BMP8A: variants seen among roughly 807,000 people sequenced by gnomAD.
BMP8A encodes BMP-8A.
A neutral mutation model predicts 36.8 loss-of-function variants in BMP8A; 14 were observed. The ratio of observed to expected loss-of-function variants is 0.38; its 90% confidence interval spans 0.25 to 0.60. The LOEUF is 0.60. Ranked by LOEUF, BMP8A falls within the 20% of genes least tolerant of loss-of-function variation. The pLI, the probability that BMP8A is intolerant of heterozygous loss-of-function variation, is 0.63. For missense variants in BMP8A, 267 were observed against 551.1 expected (o/e 0.48, Z 5.16); for synonymous variants, 120 against 237.7 (o/e 0.50, Z 4.55).
Position 39,528,167 on chromosome 1 carries a change from T to A in BMP8A, c.*2369T>A, listed in dbSNP as rs1264452469. ...GTGTGCACAGCAGGCCTGAGGATCA[T>A]GATGAGACTCCCTTTTTATGCAGCA... On this transcript the variant is annotated 3_prime_UTR_variant, in exon 7 of 7. Coordinates refer to ENST00000331593, the MANE Select transcript of BMP8A (RefSeq NM_181809.4). 6.6e-6 allele frequency among the ~76,000 whole-genome samples: 1 copy of A among 152,206 alleles called. No homozygotes were observed. The highest frequency in any genetic ancestry group is 1.5e-5 in the Non-Finnish European group (1 of 68,044).
At chr1:39,503,579 A>G (rs936018891) in intron 1 of BMP8A, among the ~76,000 whole-genome samples, 1 of 133,144 alleles carries the variant, frequency 7.5e-6, no homozygotes, top group African/African-American at 2.9e-5. Context: ...CAGTCGTGCA[A>G]TCTTGGGTCA....
chr1:39,516,491 C>G, intron 3 of BMP8A: 3 of 921,012 alleles, frequency 3.3e-6, no homozygotes, highest in African/African-American at 2.0e-5. Flanking sequence ...GGTACCCTGA[C>G]GGGACCTGGA....
At chr1:39,517,951 T>A (rs1222963279) in intron 3 of BMP8A, among the ~76,000 whole-genome samples, 1 of 151,938 alleles carries the variant, frequency 6.6e-6, no homozygotes, top group Non-Finnish European at 1.5e-5. Flanking sequence ...TTTGAATTGT[T>A]CCTGCATCAT....
At chr1:39,522,919 C>T (rs1363988845) in intron 5 of BMP8A, 88 bp from the exon 6 acceptor site, 24 of 1,263,470 alleles carry the variant, frequency 1.9e-5, no homozygotes, top group African/African-American at 6.0e-5. Flanking sequence ...TTGGGGGAGA[C>T]GGCCCTGCAG....
chr1:39,493,511 C>G (rs1557683421), intron 1 of BMP8A, among the ~76,000 whole-genome samples: 1 of 152,334 alleles, frequency 6.6e-6, no homozygotes. Context: ...GGAGTCTGGG[C>G]TGAGGAACAC....
chr1:39,505,361 A>G (rs1374912186), intron 1 of BMP8A, among the ~76,000 whole-genome samples: 7 of 152,218 alleles, frequency 4.6e-5, no homozygotes, highest in Admixed American at 3.9e-4. Context: ...TACTGCCTGC[A>G]AACACATTTT....
At chr1:39,505,890 G>T (rs1011140346) in intron 1 of BMP8A, among the ~76,000 whole-genome samples, 2 of 151,816 alleles carry the variant, frequency 1.3e-5, no homozygotes, top group East Asian at 3.9e-4. Flanking sequence ...AGAGGCTGAA[G>T]TGGGAGGATC....
intron 1 of BMP8A, among the ~76,000 whole-genome samples, chr1:39,493,696 C>G (rs1301233936): frequency 6.6e-6 from 1 of 152,228 alleles, no homozygotes; most frequent in Non-Finnish European, 1.5e-5. Flanking sequence ...GGACAGGACT[C>G]TAGCCGGTGG....
chr1:39,493,595 G>A (rs1313461955), intron 1 of BMP8A, among the ~76,000 whole-genome samples: 2 of 152,230 alleles, frequency 1.3e-5, no homozygotes, highest in East Asian at 3.8e-4. Flanking sequence ...AAGAGGGCAT[G>A]GCCAAGCCTC....
Position 39,492,657 on chromosome 1 carries a change from G to C in BMP8A, c.334+332G>C, listed in dbSNP as rs192312892. On this transcript the variant is annotated intron_variant, in intron 1 of 6. Transcript: ENST00000331593. Reference sequence around the variant, plus strand: ...ACAGCCTGGTCCTGGGGAGACAGGTGAGTAAACAGAGGCCGGGATGCTGTC... The same window carrying C: ...ACAGCCTGGTCCTGGGGAGACAGGTCAGTAAACAGAGGCCGGGATGCTGTC... Among the ~76,000 whole-genome samples the C allele has an allele frequency of 1.4e-3, 216 of 152,368 alleles. 1 individual carries two copies. The highest frequency in any genetic ancestry group is 4.6e-3 in the African/African-American group (193 of 41,586).
chr1:39,513,754 C>T (rs1299179733), intron 3 of BMP8A, among the ~76,000 whole-genome samples: 4 of 151,654 alleles, frequency 2.6e-5, no homozygotes, highest in African/African-American at 7.2e-5. Flanking sequence ...GAGGGAGGTG[C>T]TGGCATGTAA....
chr1:39,492,445 C>T, intron 1 of BMP8A, 120 bp downstream of exon 1: 1 of 1,350,586 alleles, frequency 7.4e-7, no homozygotes, highest in Non-Finnish European at 9.5e-7. Context: ...GGACGCGAAC[C>T]ACAGGGGAGT....
intron 1 of BMP8A, among the ~76,000 whole-genome samples, chr1:39,500,841 A>C (rs991264811): frequency 6.6e-6 from 1 of 152,000 alleles, no homozygotes; most frequent in African/African-American, 2.4e-5. Flanking sequence ...TTTAGTAGAG[A>C]CAGGGTTTCA....
At chr1:39,507,429 G>A (rs1645311254) in intron 1 of BMP8A, among the ~76,000 whole-genome samples, 1 of 152,230 alleles carries the variant, frequency 6.6e-6, no homozygotes, top group African/African-American at 2.4e-5. Flanking sequence ...TTGAGGACCT[G>A]TCTAGAGGCC....
intron 1 of BMP8A, among the ~76,000 whole-genome samples, chr1:39,499,934 G>A (rs1433681138): frequency 6.6e-6 from 1 of 152,204 alleles, no homozygotes; most frequent in Non-Finnish European, 1.5e-5. Flanking sequence ...GTCATGCACT[G>A]TCACAATATT....
Position 39,525,841 on chromosome 1 carries a change from A to AT in BMP8A, c.*44dup. The AT allele has an allele frequency of 1.2e-6, 2 of 1,611,214 alleles. No individual in the cohort carries two copies. Among genetic ancestry groups the AT allele is most frequent in the Non-Finnish European group, 8.5e-7 (1 of 1,179,648 alleles). On this transcript the variant is annotated 3_prime_UTR_variant, in exon 7 of 7. Coordinates refer to ENST00000331593, the MANE Select transcript of BMP8A (RefSeq NM_181809.4). ...TACTGCAGCCACCCTTCTCATCTGG[A>AT]TCGGGCCCTGCAGAGGCAGAAAACC...
intron 6 of BMP8A, chr1:39,523,688 C>G: frequency 7.1e-7 from 1 of 1,411,356 alleles, no homozygotes; most frequent in African/African-American, 1.5e-5. Flanking sequence ...GCCTTGGTGT[C>G]TGGGGCAACC....
rs1645161890 is a variant in BMP8A at position 39,491,971 on chromosome 1, G to C, written c.-21G>C. 1 of 1,074,088 alleles carries C rather than the reference G, an allele frequency of 9.3e-7. No homozygotes were observed. The highest frequency in any genetic ancestry group is 5.3e-5 in the Admixed American group (1 of 18,816). 66.5% of individuals were successfully genotyped at this position (1,074,088 alleles called of 1,614,324 possible). A position where few individuals can be genotyped will look rare whatever the true frequency, so the allele number is the denominator to read the frequency against. ...GCGGCGGCGGAGCTGATGTGCGCCC[G>C]CTGAGCGCCCCCGGCCCGCCATGGC... On this transcript the variant is annotated 5_prime_UTR_variant, in exon 1 of 7. Coordinates refer to ENST00000331593, the MANE Select transcript of BMP8A (RefSeq NM_181809.4).
chr1:39,499,303 G>C (rs752199512), intron 1 of BMP8A, among the ~76,000 whole-genome samples: 1 of 152,186 alleles, frequency 6.6e-6, no homozygotes, highest in Non-Finnish European at 1.5e-5. Context: ...CAAGAGGCCC[G>C]AGGGACAGAT....
Sources: gnomAD v4.1 joint callset for allele counts (sites outside exome capture counted in the v4.1 genomes callset) on GRCh38, gnomAD v4.1.1 for gene constraint, MANE v1.5 for transcripts, NCBI Gene and HGNC (gene_info 2026-07-23, HGNC 2026-07-21) for gene names.